CPED1: variants seen among roughly 807,000 people sequenced by gnomAD.
CPED1 encodes the protein cadherin like and PC-esterase domain containing 1.
Under a neutral mutation model 128.2 loss-of-function variants are expected in CPED1, and 114 were observed. The ratio of observed to expected loss-of-function variants is 0.89; its 90% CI spans 0.76 to 1.04. CPED1 has a LOEUF of 1.04. CPED1 is among the 50% of genes least tolerant of loss of function. CPED1 has a pLI of 0.00. For missense variants in CPED1, 1,211 were observed against 1,207.1 expected, an observed-to-expected ratio of 1.00 and a Z score of -0.05; for synonymous variants, 462 against 426.7, an observed-to-expected ratio of 1.08 and a Z score of -1.02.
chr7:120,990,471 T>A (rs1456637993), intron 2 of CPED1, among the ~76,000 whole-genome samples: 1 of 152,202 alleles, frequency 6.6e-6, no homozygotes, highest in Non-Finnish European at 1.5e-5. Context: ...GATTATTCTA[T>A]ATTTATACTA....
intron 18 of CPED1, among the ~76,000 whole-genome samples, chr7:121,257,108 T>C (rs771633744): frequency 6.6e-6 from 1 of 152,012 alleles, no homozygotes; most frequent in African/African-American, 2.4e-5. Context: ...AAATTACCTA[T>C]TGGGTACTGT....
intron 16 of CPED1, among the ~76,000 whole-genome samples, chr7:121,179,215 C>T (rs1485441930): frequency 6.6e-6 from 1 of 151,982 alleles, no homozygotes; most frequent in East Asian, 1.9e-4. Flanking sequence ...TGAACTGTTC[C>T]CCTAGAATGG....
At chr7:121,292,366 G>T (rs551290844) in intron 22 of CPED1, among the ~76,000 whole-genome samples, 83 of 151,598 alleles carry the variant, frequency 5.5e-4, no homozygotes, top group African/African-American at 1.9e-3. Context: ...CAGCTCCATC[G>T]GGTCATTTAT....
intron 16 of CPED1, among the ~76,000 whole-genome samples, chr7:121,209,092 T>C (rs1174576619): frequency 6.6e-6 from 1 of 152,058 alleles, no homozygotes; most frequent in African/African-American, 2.4e-5. Flanking sequence ...AAAATATTTA[T>C]TTTGTTTATA....
At chr7:121,245,588 T>A (rs953862615) in intron 18 of CPED1, among the ~76,000 whole-genome samples, 2 of 152,162 alleles carry the variant, frequency 1.3e-5, no homozygotes, top group Non-Finnish European at 2.9e-5. Flanking sequence ...TATTCCTAAT[T>A]GCAGCTAAGG....
chr7:121,071,593 C>G (rs1223881124), intron 5 of CPED1, among the ~76,000 whole-genome samples: 1 of 151,966 alleles, frequency 6.6e-6, no homozygotes. Flanking sequence ...ATTGCCTAGG[C>G]TGGCCTTAAA....
chr7:121,135,292 T>A (rs1354829604), intron 13 of CPED1, among the ~76,000 whole-genome samples: 1 of 151,724 alleles, frequency 6.6e-6, no homozygotes, highest in Non-Finnish European at 1.5e-5. Flanking sequence ...TCAATAATAT[T>A]TTTTTTTAGT....
At chr7:121,285,386 T>G (rs139435288) in intron 22 of CPED1, among the ~76,000 whole-genome samples, 12 of 152,348 alleles carry the variant, frequency 7.9e-5, no homozygotes, top group African/African-American at 2.9e-4. Flanking sequence ...TGATTAACAC[T>G]TGGCTCCTCA....
chr7:121,211,787 C>G (rs1797650654), intron 16 of CPED1, among the ~76,000 whole-genome samples: 1 of 151,954 alleles, frequency 6.6e-6, no homozygotes, highest in Non-Finnish European at 1.5e-5. Context: ...ACAGACTTGC[C>G]AGACTTGGCC....
intron 17 of CPED1, among the ~76,000 whole-genome samples, chr7:121,239,016 A>G (rs865778693): frequency 1.8e-4 from 28 of 152,190 alleles, no homozygotes; most frequent in African/African-American, 6.5e-4. Context: ...CAAAAGGCCC[A>G]AAGACTCAAA....
intron 16 of CPED1, among the ~76,000 whole-genome samples, chr7:121,217,458 T>C (rs1797782981): frequency 6.6e-6 from 1 of 152,074 alleles, no homozygotes; most frequent in African/African-American, 2.4e-5. Context: ...AGATATATCC[T>C]TGGAAGATGT....
intron 2 of CPED1, among the ~76,000 whole-genome samples, chr7:120,992,163 G>T (rs1370844816): frequency 1.3e-5 from 2 of 152,054 alleles, no homozygotes; most frequent in Non-Finnish European, 2.9e-5. Context: ...TACTTGTGAA[G>T]TTCATTTAAA....
rs148925543 is a variant in CPED1, at chr7:121,010,076, C to T, written c.250-5589C>T. ...TGGCCAAAGCAGACAAATCTAGGCCCTCATGGAACAGAGTAGTAGGAGAAG... is the reference window on the plus strand; with the variant it reads ...TGGCCAAAGCAGACAAATCTAGGCCTTCATGGAACAGAGTAGTAGGAGAAG... On this transcript the variant is annotated intron_variant, in intron 2 of 22. Transcript: ENST00000310396. 3.6e-3 allele frequency among the ~76,000 whole-genome samples: 550 copies of T among 152,096 alleles called. 4 individuals carry two copies. Among genetic ancestry groups the T allele is most frequent in the African/African-American group, 0.012 (512 of 41,494 alleles).
intron 2 of CPED1, among the ~76,000 whole-genome samples, chr7:121,015,414 C>T (rs1490593240): frequency 6.6e-6 from 1 of 152,178 alleles, no homozygotes; most frequent in East Asian, 1.9e-4. Context: ...ATCAGTATTC[C>T]TCCAAGGACC....
intron 7 of CPED1, among the ~76,000 whole-genome samples, chr7:121,115,688 C>T (rs956302430): frequency 1.3e-5 from 2 of 151,976 alleles, no homozygotes; most frequent in African/African-American, 4.8e-5. Flanking sequence ...CAGATATTAC[C>T]GGATTTCAAT....
At chr7:121,064,825 A>C (rs907334530) in intron 5 of CPED1, among the ~76,000 whole-genome samples, 1 of 152,144 alleles carries the variant, frequency 6.6e-6, no homozygotes, top group Non-Finnish European at 1.5e-5. Flanking sequence ...CAGTTTCCTC[A>C]TAGGTTCCCA....
chr7:121,208,049 T>A (rs1296638388), intron 16 of CPED1, among the ~76,000 whole-genome samples: 2 of 151,926 alleles, frequency 1.3e-5, no homozygotes, highest in South Asian at 2.1e-4. Flanking sequence ...GACTCACTTG[T>A]CTTGAGTCTA....
intron 16 of CPED1, among the ~76,000 whole-genome samples, chr7:121,168,867 A>G (rs1796591878): frequency 6.6e-6 from 1 of 152,204 alleles, no homozygotes; most frequent in East Asian, 1.9e-4. Context: ...CTTAGAAACA[A>G]GACTATTTAT....
chr7:121,173,689 A>C (rs1204996842), intron 16 of CPED1, among the ~76,000 whole-genome samples: 1 of 152,112 alleles, frequency 6.6e-6, no homozygotes, highest in Non-Finnish European at 1.5e-5. Context: ...GCTGTAATGA[A>C]CATTCACATG....
Sources: allele counts gnomAD v4.1 joint callset (sites outside exome capture counted in the v4.1 genomes callset), GRCh38; gene constraint gnomAD v4.1.1; transcripts MANE v1.5; gene names NCBI Gene and HGNC (gene_info 2026-07-23, HGNC 2026-07-21).